The following MAST4 variants were observed in gnomAD, a reference collection of about 807,000 sequenced individuals.
The protein encoded by MAST4 is microtubule associated serine/threonine kinase family member 4.
A neutral mutation model predicts 162.7 loss-of-function variants in MAST4; 89 were observed. That is an observed-to-expected ratio of 0.55 (90% CI 0.46 to 0.65). The LOEUF (loss-of-function observed/expected upper bound fraction) is 0.65. MAST4 is among the 30% of genes least tolerant of loss of function. The probability of loss-of-function intolerance (pLI) is 0.00; values close to 1 mark genes in which losing one functional copy is unlikely to be tolerated. For synonymous variants in MAST4, 1,479 were observed against 1,361.1 expected, an observed-to-expected ratio of 1.09 and a Z score of -1.91; for missense variants, 3,153 against 3,374.0, an observed-to-expected ratio of 0.93 and a Z score of 1.62.
At chr5:67,051,356 C>A (rs115213395) in intron 4 of MAST4, among the ~76,000 whole-genome samples, 1 of 152,116 alleles carries the variant, frequency 6.6e-6, no homozygotes, top group Admixed American at 6.5e-5. Flanking sequence ...CCATAAACTT[C>A]TGCTTTCATG....
chr5:66,722,503 T>C (rs981861205), intron 1 of MAST4, among the ~76,000 whole-genome samples: 6 of 151,600 alleles, frequency 4.0e-5, no homozygotes, highest in Admixed American at 2.6e-4. Flanking sequence ...ATTATATAAT[T>C]TTTATTTATT....
At position 67,114,440 on chromosome 5, in the gene MAST4, G is replaced by A. The variant is rs1766639552; in HGVS notation, c.1591+221G>A. On this transcript the variant is annotated intron_variant, in intron 12 of 28. Transcript: ENST00000403625. ...TTGTGTCTACCTAGAGCGTGGGTCA[G>A]GCCTTGACATCCTAGAAGCATGTCA... 4 of 486,288 alleles carry A rather than the reference G, an allele frequency of 8.2e-6. No individual in the cohort carries two copies. The East Asian group carries it at 1.7e-4, about 21-fold the overall frequency. The allele number at this position is 486,288 out of a possible 1,614,324, so 30.1% of individuals were successfully genotyped here. A position where few individuals can be genotyped will look rare whatever the true frequency, so the allele number is the denominator to read the frequency against.
intron 4 of MAST4, among the ~76,000 whole-genome samples, chr5:66,919,154 C>G (rs1764314871): frequency 2.0e-5 from 3 of 146,956 alleles, no homozygotes; most frequent in Non-Finnish European, 4.5e-5. Flanking sequence ...GAGATTCCTT[C>G]TAATTTTAAT....
chr5:66,726,431 A>T (rs1032730002), intron 1 of MAST4, among the ~76,000 whole-genome samples: 3 of 152,114 alleles, frequency 2.0e-5, no homozygotes, highest in African/African-American at 7.2e-5. Flanking sequence ...CAAGGAAATG[A>T]TAAGATAGCT....
At chr5:66,970,440 A>G (rs1747293383) in intron 4 of MAST4, among the ~76,000 whole-genome samples, 1 of 152,146 alleles carries the variant, frequency 6.6e-6, no homozygotes, top group African/African-American at 2.4e-5. Context: ...AACCTAGGGG[A>G]TGAAGTCTTG....
intron 4 of MAST4, among the ~76,000 whole-genome samples, chr5:66,982,081 T>A (rs1385206062): frequency 6.6e-6 from 1 of 152,176 alleles, no homozygotes; most frequent in African/African-American, 2.4e-5. Context: ...GATGAGGAAA[T>A]CAGGATTTAC....
Position 67,165,145 on chromosome 5 carries a change from G to C in MAST4, c.5966G>C (p.Arg1989Thr), listed in dbSNP as rs1438997589. ...GCCAGAAGCGAGCGCTCTGCTGCGAGGGCTGACACATGCAGAGAGCCCTCC... is the reference window on the plus strand; with the variant it reads ...GCCAGAAGCGAGCGCTCTGCTGCGACGGCTGACACATGCAGAGAGCCCTCC... ...PTARSERSAA[R>T]ADTCREPSME... is the part of the protein sequence containing the mutation. Residue 1989 changes from arginine to threonine, a missense_variant, in exon 29 of 29, where the codon AGG (arginine) becomes ACG (threonine). Transcript: ENST00000403625. 6.3e-7 allele frequency: 1 copy of C among 1,594,188 alleles called. No homozygotes were observed. Among genetic ancestry groups the C allele is most frequent in the Non-Finnish European group, 8.5e-7 (1 of 1,170,172 alleles).
chr5:67,113,739 C>T (rs913663182), intron 11 of MAST4, among the ~76,000 whole-genome samples: 2 of 152,134 alleles, frequency 1.3e-5, no homozygotes, highest in African/African-American at 2.4e-5. Flanking sequence ...TGGAAATTCC[C>T]AGATTTTACA....
chr5:66,912,462 A>G (rs191366678), intron 4 of MAST4, among the ~76,000 whole-genome samples: 144 of 152,372 alleles, frequency 9.5e-4, no homozygotes, highest in African/African-American at 3.3e-3. Flanking sequence ...CTTGTGGATT[A>G]AAGAAGCACT....
At chr5:66,833,611 A>T (rs1055006804) in intron 3 of MAST4, among the ~76,000 whole-genome samples, 1 of 152,210 alleles carries the variant, frequency 6.6e-6, no homozygotes, top group African/African-American at 2.4e-5. Context: ...TCCAAACTGC[A>T]TGTATCCCGT....
intron 9 of MAST4, among the ~76,000 whole-genome samples, chr5:67,104,013 G>T (rs1034543190): frequency 6.6e-6 from 1 of 152,152 alleles, no homozygotes; most frequent in Non-Finnish European, 1.5e-5. Flanking sequence ...ACATGCTGAG[G>T]CTGCTGCTTT....
chr5:66,940,427 C>T (rs1434625201), intron 4 of MAST4, among the ~76,000 whole-genome samples: 3 of 152,156 alleles, frequency 2.0e-5, no homozygotes, highest in African/African-American at 2.4e-5. Context: ...CCTTCTCAAA[C>T]CCTGCTATTG....
intron 16 of MAST4, 94 bp from the exon 17 acceptor site, chr5:67,133,420 A>G: frequency 7.3e-7 from 1 of 1,375,562 alleles, no homozygotes; most frequent in African/African-American, 1.4e-5. Flanking sequence ...CATATATTAA[A>G]TAGTCTTAGA....
chr5:66,835,323 C>G (rs1470927352), intron 3 of MAST4, among the ~76,000 whole-genome samples: 1 of 152,158 alleles, frequency 6.6e-6, no homozygotes, highest in African/African-American at 2.4e-5. Context: ...TGTGACCTAT[C>G]CTGTGTCTTT....
At chr5:67,087,629 C>G (rs1561635267) in intron 5 of MAST4, among the ~76,000 whole-genome samples, 1 of 152,132 alleles carries the variant, frequency 6.6e-6, no homozygotes, top group East Asian at 1.9e-4. Context: ...GCTAGAGTCC[C>G]TTGTCCTTAA....
intron 14 of MAST4, among the ~76,000 whole-genome samples, chr5:67,127,211 T>A (rs1386335434): frequency 6.6e-6 from 1 of 152,220 alleles, no homozygotes; most frequent in Non-Finnish European, 1.5e-5. Context: ...TTTTCCTAAT[T>A]GAATACAATT....
chr5:66,685,391 A>G (rs189485946), intron 1 of MAST4, among the ~76,000 whole-genome samples: 61 of 152,328 alleles, frequency 4.0e-4, no homozygotes, highest in Admixed American at 3.3e-3. Context: ...AATTTGGTGT[A>G]TTTTAAAGGA....
intron 4 of MAST4, chr5:66,917,210 A>C: frequency 1.9e-6 from 1 of 519,662 alleles, no homozygotes; most frequent in Non-Finnish European, 3.5e-6. Context: ...TGTTGAGTAT[A>C]TTTTCATATG....
chr5:67,166,502 C>G lies in MAST4; in HGVS notation c.7323C>G (p.Pro2441=). The G allele has an allele frequency of 6.2e-7, 1 of 1,605,948 alleles. No homozygotes were observed. Among genetic ancestry groups the G allele is most frequent in the Non-Finnish European group, 8.5e-7 (1 of 1,176,368 alleles). ...ADKPNGMKRS[P]SATGQSSFRS... The stretch of plus-strand genomic sequence containing the variant: ...AGCCCAATGGCATGAAACGGTCCCC[C>G]TCAGCCACTGGGCAGAGTTCTTTCC... The change falls in exon 29 of 29, where the codon CCC becomes CCG. Residue 2441 remains proline, a synonymous_variant. Coordinates refer to ENST00000403625, the MANE Select transcript of MAST4 (RefSeq NM_001164664.2).
Sources: gnomAD v4.1 joint callset for allele counts (sites outside exome capture counted in the v4.1 genomes callset) on GRCh38, gnomAD v4.1.1 for gene constraint, MANE v1.5 for transcripts, NCBI Gene and HGNC (gene_info 2026-07-23, HGNC 2026-07-21) for gene names.